The following BCL2L11 variants were observed in gnomAD, a reference collection of about 807,000 sequenced individuals.
BCL2L11 encodes BCL2 like 11, also known as bcl-2-like protein 11.
Under a neutral mutation model 20.6 loss-of-function variants are expected in BCL2L11, and 15 were observed. The ratio of observed to expected loss-of-function variants is 0.73; its 90% CI spans 0.49 to 1.12. The LOEUF is 1.12. Among genes scored for constraint, BCL2L11 ranks in the 50% most tolerant of loss-of-function variants. The probability of loss-of-function intolerance (pLI) is 0.00; values close to 1 mark genes in which losing one functional copy is unlikely to be tolerated. For synonymous variants in BCL2L11, 108 were observed against 92.8 expected, an observed-to-expected ratio of 1.16 and a Z score of -0.94; for missense variants, 292 against 260.9, an observed-to-expected ratio of 1.12 and a Z score of -0.82.
chr2:111,145,041 G>A (rs566179001), intron 2 of BCL2L11, among the ~76,000 whole-genome samples: 6 of 152,238 alleles, frequency 3.9e-5, no homozygotes, highest in African/African-American at 7.2e-5. Flanking sequence ...CTTAATTCAC[G>A]CTGATGACTT....
chr2:111,128,507 G>T, intron 2 of BCL2L11: 1 of 1,276,392 alleles, frequency 7.8e-7, no homozygotes, highest in Non-Finnish European at 1.0e-6. Flanking sequence ...TTAATTTTTT[G>T]GGGAACCATC....
intron 1 of BCL2L11, among the ~76,000 whole-genome samples, chr2:111,122,185 G>A (rs545894236): frequency 1.1e-3 from 164 of 152,354 alleles, no homozygotes; most frequent in African/African-American, 3.4e-3. Flanking sequence ...CCACAGCCAG[G>A]GCGGTGACGG....
intron 3 of BCL2L11, among the ~76,000 whole-genome samples, chr2:111,161,730 A>T (rs1463275546): frequency 6.6e-6 from 1 of 152,198 alleles, no homozygotes; most frequent in Non-Finnish European, 1.5e-5. Context: ...CCTGGCCAGA[A>T]GCCACTGGGT....
intron 2 of BCL2L11, among the ~76,000 whole-genome samples, chr2:111,148,069 A>G (rs2076793295): frequency 1.3e-5 from 2 of 152,230 alleles, no homozygotes. Context: ...CCAACTTTAT[A>G]AAACATCAAT....
intron 3 of BCL2L11, among the ~76,000 whole-genome samples, chr2:111,162,501 A>G (rs547803729): frequency 6.6e-6 from 1 of 152,344 alleles, no homozygotes; most frequent in East Asian, 1.9e-4. Context: ...GGTGACTTCT[A>G]CTTAAGCTTG....
Position 111,123,757 on chromosome 2 carries a change from A to G in BCL2L11, c.12A>G (p.Gln4=), listed in dbSNP as rs1028206513. MAK[Q]PSDVSSECDR... is the part of the protein sequence containing the mutation. ...GAAAAAAAGACCAAATGGCAAAGCAACCTTCTGATGTAAGTTCTGAGTGTG... is the reference window on the plus strand; with the variant it reads ...GAAAAAAAGACCAAATGGCAAAGCAGCCTTCTGATGTAAGTTCTGAGTGTG... The change falls in exon 2 of 4, where the codon CAA becomes CAG. Residue 4 remains glutamine (Q), a synonymous_variant. Transcript: ENST00000393256. 6 of 1,386,790 alleles carry G rather than the reference A, an allele frequency of 4.3e-6. No homozygotes were observed. Among genetic ancestry groups the G allele is most frequent in the South Asian group, 2.1e-5 (1 of 47,386 alleles). 85.9% of individuals were successfully genotyped at this position (1,386,790 alleles called of 1,614,324 possible). A position where few individuals can be genotyped will look rare whatever the true frequency, so the allele number is the denominator to read the frequency against.
intron 3 of BCL2L11, among the ~76,000 whole-genome samples, chr2:111,153,520 T>C (rs112062075): frequency 2.0e-5 from 3 of 152,256 alleles, no homozygotes; most frequent in African/African-American, 7.2e-5. Context: ...TTGTTAAATA[T>C]TGGGGGCAGA....
At position 111,166,827 on chromosome 2, in the gene BCL2L11, G is replaced by C. The variant is rs932179614; in HGVS notation, c.*2596G>C. The C allele has an allele frequency of 6.6e-6, 1 of 152,524 alleles. No homozygotes were observed. The highest frequency in any genetic ancestry group is 1.5e-5 in the Non-Finnish European group (1 of 68,010). 9.4% of individuals were successfully genotyped at this position (152,524 alleles called of 1,614,324 possible). On this transcript the variant is annotated 3_prime_UTR_variant, in exon 4 of 4. Transcript: ENST00000393256. ...TCCTTCTGATTAAAAAAATATAGTG[G>C]AATACAATTGTCTGCCGTTTCCCCT...
chr2:111,142,469 C>T, intron 2 of BCL2L11: 1 of 1,128,768 alleles, frequency 8.9e-7, no homozygotes, highest in Non-Finnish European at 1.3e-6. Flanking sequence ...GAGAAGCTTT[C>T]ATTATGTCTT....
At chr2:111,123,303 G>A in intron 1 of BCL2L11, 2 of 985,512 alleles carry the variant, frequency 2.0e-6, no homozygotes, top group Non-Finnish European at 2.4e-6. Context: ...GCCGGAGCAG[G>A]GAACGCGGCC....
Position 111,123,822 on chromosome 2 carries a change from C to T in BCL2L11, c.77C>T (p.Pro26Leu), listed in dbSNP as rs375839187. 15 of 1,527,768 alleles carry T rather than the reference C, an allele frequency of 9.8e-6. No individual in the cohort carries two copies. The African/African-American group carries it at 1.7e-4, about 17-fold the overall frequency. The allele number at this position is 1,527,768 out of a possible 1,614,324, so 94.6% of individuals were successfully genotyped here. A position where few individuals can be genotyped will look rare whatever the true frequency, so the allele number is the denominator to read the frequency against. Residue 26 changes from proline to leucine, a missense_variant, in exon 2 of 4, where the codon CCC becomes CTC. Pro to Leu is a moderately conservative substitution (Grantham distance 98). Transcript: ENST00000393256. ...CAATTGCAGCCTGCGGAGAGGCCTC[C>T]CCAGCTCAGACCTGGGGCCCCTACC... is the stretch of plus-strand genomic sequence containing the variant. ...GRQLQPAERP[P>L]QLRPGAPTSL...
At chr2:111,139,380 T>C (rs2075436404) in intron 2 of BCL2L11, among the ~76,000 whole-genome samples, 1 of 152,212 alleles carries the variant, frequency 6.6e-6, no homozygotes, top group Admixed American at 6.5e-5. Flanking sequence ...TCTTGAGACA[T>C]GAGACATAGA....
intron 2 of BCL2L11, among the ~76,000 whole-genome samples, chr2:111,132,654 T>TTTC (rs2074163049): frequency 6.6e-6 from 1 of 152,236 alleles, no homozygotes; most frequent in African/African-American, 2.4e-5. Flanking sequence ...AGATTAGACT[T>TTTC]TTAGAAGCCT....
rs6542322 is a variant in BCL2L11 at position 111,128,571 on chromosome 2, A to G, written c.394+4432A>G. The G allele has an allele frequency of 1.2e-3, 1,754 of 1,464,586 alleles. 16 individuals are homozygous for G. In the African/African-American group the frequency reaches 0.021, roughly 18 times the overall value. 90.7% of individuals were successfully genotyped at this position (1,464,586 alleles called of 1,614,324 possible). On this transcript the variant is annotated intron_variant, in intron 2 of 3. Coordinates refer to ENST00000393256, the MANE Select transcript of BCL2L11 (RefSeq NM_138621.5). ...TTTACATTCCCACCAACAGGGCACA[A>G]GGGTTCCAGTTTCTCCACATACTTA...
chr2:111,121,804 C>T (rs2241843), intron 1 of BCL2L11, among the ~76,000 whole-genome samples: 5 of 152,044 alleles, frequency 3.3e-5, no homozygotes, highest in Non-Finnish European at 7.4e-5. Flanking sequence ...AGTCCTGCGG[C>T]CTGTGCCATC....
At chr2:111,155,837 C>T (rs1032146296) in intron 3 of BCL2L11, among the ~76,000 whole-genome samples, 22 of 152,254 alleles carry the variant, frequency 1.4e-4, no homozygotes, top group Admixed American at 1.2e-3. Context: ...ACTTCCTACT[C>T]TGTCCAGGGC....
Position 111,124,198 on chromosome 2 carries a change from CTG to C in BCL2L11, c.394+66_394+67del, listed in dbSNP as rs1296455355. The C allele has an allele frequency of 2.7e-6, 4 of 1,482,342 alleles. No individual in the cohort carries two copies. The African/African-American group carries it at 4.3e-5, about 16-fold the overall frequency. The allele number at this position is 1,482,342 out of a possible 1,614,324, so 91.8% of individuals were successfully genotyped here. On this transcript the variant is annotated intron_variant, in intron 2 of 3. Transcript: ENST00000393256. ...GTGGATGGTTGAATCTGCTTGAAGG[CTG>C]TGTGTGGCATTTAAAATCCCCTTTT...
intron 2 of BCL2L11, among the ~76,000 whole-genome samples, chr2:111,133,082 A>C (rs1213907292): frequency 6.6e-6 from 1 of 152,218 alleles, no homozygotes; most frequent in Non-Finnish European, 1.5e-5. Flanking sequence ...AACTTATGCA[A>C]ATAACTATAT....
At position 111,135,112 on chromosome 2, in the gene BCL2L11, A is replaced by T. The variant is rs111862409; in HGVS notation, c.394+10973A>T. On this transcript the variant is annotated intron_variant, in intron 2 of 3. Coordinates refer to ENST00000393256, the MANE Select transcript of BCL2L11 (RefSeq NM_138621.5). ...TTTCCAGTCCCTTCCTCTCTTTTGG[A>T]ACTCTGATGATAAGAATGTTAGTGC... Among the ~76,000 whole-genome samples, 1,332 of 152,170 alleles carry T rather than the reference A, an allele frequency of 8.8e-3. 26 individuals are homozygous for T. The highest frequency in any genetic ancestry group is 0.031 in the African/African-American group (1,287 of 41,516).
Sources: allele counts gnomAD v4.1 joint callset (sites outside exome capture counted in the v4.1 genomes callset), GRCh38; gene constraint gnomAD v4.1.1; transcripts MANE v1.5; gene names NCBI Gene and HGNC (gene_info 2026-07-23, HGNC 2026-07-21).